EPHA1: variants seen among roughly 807,000 people sequenced by gnomAD.
The protein encoded by EPHA1 is ephrin type-A receptor 1.
In EPHA1, 92 loss-of-function variants were observed where a neutral mutation model predicts 110.1. The observed-to-expected ratio is 0.84, with a 90% CI of 0.71 to 0.99. The LOEUF (loss-of-function observed/expected upper bound fraction) is 0.99, where lower values mean the gene tolerates loss of function less well. Among genes scored for constraint, EPHA1 ranks in the 50% least tolerant of loss-of-function variants. EPHA1 has a pLI of 0.00. For missense variants in EPHA1, 1,204 were observed against 1,285.4 expected, an observed-to-expected ratio of 0.94 and a Z score of 0.97; for synonymous variants, 500 against 516.1, an observed-to-expected ratio of 0.97 and a Z score of 0.42.
Position 143,394,714 on chromosome 7 carries a change from C to T in EPHA1, c.2352+94G>A, listed in dbSNP as rs1020624191. The T allele has an allele frequency of 3.7e-4, 543 of 1,471,152 alleles. 2 individuals are homozygous for T. The highest frequency in any genetic ancestry group is 1.5e-4 in the Non-Finnish European group (158 of 1,079,166). The allele number at this position is 1,471,152 out of a possible 1,614,324, so 91.1% of individuals were successfully genotyped here. On this transcript the variant is annotated intron_variant, in intron 14 of 17. Coordinates refer to ENST00000275815, the MANE Select transcript of EPHA1 (RefSeq NM_005232.5). ...GGATTACAGGTGTGAGCCACCGTGC[C>T]TGGCCAAGTCTTTGTGCCTATATAC...
At chr7:143,408,219 C>T (rs1369536502) in intron 1 of EPHA1, among the ~76,000 whole-genome samples, 1 of 152,090 alleles carries the variant, frequency 6.6e-6, no homozygotes, top group Non-Finnish European at 1.5e-5. Flanking sequence ...GGAGTAAGGC[C>T]GGAGAGGGTG....
rs1171476627 is a variant in EPHA1 at position 143,393,100 on chromosome 7, C to T, written c.2696+571G>A. 6.6e-6 allele frequency among the ~76,000 whole-genome samples: 1 copy of T among 152,150 alleles called. No individual in the cohort carries two copies. Among genetic ancestry groups the T allele is most frequent in the East Asian group, 1.9e-4 (1 of 5,186 alleles). Reference sequence around the variant, plus strand: ...TCCTGCACTATCTGCAACCTACCAGCCCTCAGCTCCCCACAGACTAGCCAT... The same window carrying T: ...TCCTGCACTATCTGCAACCTACCAGTCCTCAGCTCCCCACAGACTAGCCAT... On this transcript the variant is annotated intron_variant, in intron 16 of 17. Coordinates refer to ENST00000275815, the MANE Select transcript of EPHA1 (RefSeq NM_005232.5). This position sits in a 1 kb window ranked among gnomAD's most constrained non-coding sequence, Gnocchi z 5.6.
At chr7:143,396,598 CTT>C in intron 10 of EPHA1, 88 bp from the exon 11 acceptor site, 1 of 1,488,914 alleles carries the variant, frequency 6.7e-7, no homozygotes, top group Non-Finnish European at 9.2e-7. Flanking sequence ...GGACCACACA[CTT>C]CTCCACACCT....
chr7:143,407,567 G>A (rs546782120), intron 2 of EPHA1, 44 bp downstream of exon 2: 2 of 1,590,004 alleles, frequency 1.3e-6, no homozygotes, highest in Admixed American at 1.7e-5. Context: ...TTTCCCACTG[G>A]CCTTCAGGAG....
At chr7:143,400,444 T>C (rs1805386929) in intron 3 of EPHA1, among the ~76,000 whole-genome samples, 1 of 152,224 alleles carries the variant, frequency 6.6e-6, no homozygotes, top group South Asian at 2.1e-4. Context: ...AGCATATCGT[T>C]ATCAATTTAT....
chr7:143,393,988 G>T lies in EPHA1; in HGVS notation c.2503-124C>A. On this transcript the variant is annotated intron_variant, in intron 15 of 17. Transcript: ENST00000275815. The surrounding 1 kb of genome is among the most constrained non-coding windows in gnomAD (Gnocchi z 5.6). ...GGATGGGAGGAGGTGGGAGGACCAG[G>T]GTGGGACGATCACAGTGGGAGGATC... is the stretch of plus-strand genomic sequence containing the variant. 7.7e-7 allele frequency: 1 copy of T among 1,294,752 alleles called. No homozygotes were observed. Among genetic ancestry groups the T allele is most frequent in the Non-Finnish European group, 1.1e-6 (1 of 949,278 alleles). The allele number at this position is 1,294,752 out of a possible 1,614,324, so 80.2% of individuals were successfully genotyped here.
rs1008740771 is a variant in EPHA1 at position 143,395,543 on chromosome 7, C to T, written c.1898-39G>A. ...AAACAGGCTGTGGCCCGATGCACTGCAGGGCTCCTCCAGGGGACAGGCAGC... is the reference window on the plus strand; with the variant it reads ...AAACAGGCTGTGGCCCGATGCACTGTAGGGCTCCTCCAGGGGACAGGCAGC... On this transcript the variant is annotated intron_variant, in intron 11 of 17. Coordinates refer to ENST00000275815, the MANE Select transcript of EPHA1 (RefSeq NM_005232.5). The surrounding 1 kb of genome is among the most constrained non-coding windows in gnomAD (Gnocchi z 4.7). 8.7e-6 allele frequency: 14 copies of T among 1,600,446 alleles called. No homozygotes were observed. In the African/African-American group the frequency reaches 1.2e-4, roughly 14 times the overall value.
Position 143,395,106 on chromosome 7 carries a change from C to A in EPHA1, c.2145+15G>T, listed in dbSNP as rs1387197278. 1 of 1,613,950 alleles carries A rather than the reference C, an allele frequency of 6.2e-7. No individual in the cohort carries two copies. Among genetic ancestry groups the A allele is most frequent in the African/African-American group, 1.3e-5 (1 of 74,896 alleles). ...GGTGCATCCCCCTCCCCAGCTAGTC[C>A]TCTGCCCTCCTCACCCTCAGGAAGG... On this transcript the variant is annotated intron_variant, in intron 13 of 17. Coordinates refer to ENST00000275815, the MANE Select transcript of EPHA1 (RefSeq NM_005232.5). The surrounding 1 kb of genome is among the most constrained non-coding windows in gnomAD (Gnocchi z 4.7).
At position 143,393,830 on chromosome 7, in the gene EPHA1, G is replaced by A. The variant is rs1213536991; in HGVS notation, c.2537C>T (p.Pro846Leu). ...AGGGGCAGGGCAGTCCACAGGAGGG[G>A]GCAACCGGTACCCATCCTCAATGCT... ...MKSIEDGYRL[P>L]PPVDCPAPLY... is the part of the protein sequence containing the mutation. Residue 846 changes from proline (P) to leucine (L), a missense_variant, in exon 16 of 18, where the codon CCC (proline) becomes CTC (leucine). Coordinates refer to ENST00000275815, the MANE Select transcript of EPHA1 (RefSeq NM_005232.5). This position sits in a 1 kb window ranked among gnomAD's most constrained non-coding sequence, Gnocchi z 5.6. 1 of 1,588,024 alleles carries A rather than the reference G, an allele frequency of 6.3e-7. No homozygotes were observed. The highest frequency in any genetic ancestry group is 1.3e-5 in the African/African-American group (1 of 74,364).
In EPHA1 at chr7:143,396,467, G is replaced by A. The variant is rs766312052; in HGVS notation, c.1815C>T (p.Tyr605=). The A allele has an allele frequency of 2.2e-5, 36 of 1,613,886 alleles. 1 individual carries two copies. The highest frequency in any genetic ancestry group is 2.0e-4 in the East Asian group (9 of 44,884). The change falls in exon 11 of 18, where the codon TAC becomes TAT. Residue 605 remains tyrosine, a synonymous_variant. Coordinates refer to ENST00000275815, the MANE Select transcript of EPHA1 (RefSeq NM_005232.5). ...CCAGGGCTCCCTGTGCAGGGTCCTC[G>A]TATGCCTGGAGGTCCACATAAGGCT... ...WLKPYVDLQA[Y]EDPAQGALDF... is the part of the protein sequence containing the mutation.
Position 143,398,367 on chromosome 7 carries a change from C to A in EPHA1, c.1418G>T (p.Arg473Leu), listed in dbSNP as rs147852131. Residue 473 changes from arginine (R) to leucine (L), a missense_variant, in exon 7 of 18, where the codon CGA becomes CTA. By Grantham distance (102) the Arg-to-Leu change is moderately radical. Transcript: ENST00000275815. ...LELTWAGSRPRSPGANLTYEL... is the reference protein window; with the variant it reads ...LELTWAGSRPLSPGANLTYEL... Reference sequence around the variant, plus strand: ...ATAGGTCAGGTTCGCCCCAGGGCTTCGGGGCCGGGACCCCGCCCAGGTCAG... The same window carrying A: ...ATAGGTCAGGTTCGCCCCAGGGCTTAGGGGCCGGGACCCCGCCCAGGTCAG... 1.2e-6 allele frequency: 2 copies of A among 1,614,112 alleles called. No homozygotes were observed. Among genetic ancestry groups the A allele is most frequent in the Non-Finnish European group, 1.7e-6 (2 of 1,180,000 alleles).
chr7:143,392,718 C>T (rs1008674883), intron 16 of EPHA1, among the ~76,000 whole-genome samples: 9 of 152,142 alleles, frequency 5.9e-5, no homozygotes, highest in Admixed American at 3.9e-4. Context: ...CCGAGGTGGG[C>T]GGATCATGAG....
At chr7:143,407,351 C>A (rs1805579845) in intron 2 of EPHA1, among the ~76,000 whole-genome samples, 1 of 152,260 alleles carries the variant, frequency 6.6e-6, no homozygotes. Context: ...CTCCCCCTCA[C>A]AAGTATCAGC....
rs1318861757 is a variant in EPHA1, at chr7:143,395,347, A to G, written c.2055T>C (p.Ile685=). 1 of 1,614,224 alleles carries G rather than the reference A, an allele frequency of 6.2e-7. No individual in the cohort carries two copies. The highest frequency in any genetic ancestry group is 8.5e-7 in the Non-Finnish European group (1 of 1,180,044). ...TTGTGACGACGCCTTCCAGATGCAG[A>G]ATATGCGGGTGGCTAAACTGGCCCA... is the stretch of plus-strand genomic sequence containing the variant. ...TIMGQFSHPH[I]LHLEGVVTKR... Residue 685 remains isoleucine, a synonymous_variant, in exon 12 of 18, where the codon ATT becomes ATC. Coordinates refer to ENST00000275815, the MANE Select transcript of EPHA1 (RefSeq NM_005232.5). The surrounding 1 kb of genome is among the most constrained non-coding windows in gnomAD (Gnocchi z 4.7).
At chr7:143,405,088 A>AG (rs1452113418) in intron 2 of EPHA1, among the ~76,000 whole-genome samples, 1 of 152,120 alleles carries the variant, frequency 6.6e-6, no homozygotes, top group Non-Finnish European at 1.5e-5. Flanking sequence ...AGATTGGGCA[A>AG]GGGGTGTCTA....
chr7:143,406,889 TCA>T (rs1327805064), intron 2 of EPHA1, among the ~76,000 whole-genome samples: 1 of 152,200 alleles, frequency 6.6e-6, no homozygotes, highest in African/African-American at 2.4e-5. Context: ...ATATGCTCTC[TCA>T]GACCCACCTC....
chr7:143,396,552 C>A (rs1439127039), intron 10 of EPHA1, 42 bp from the exon 11 acceptor site: 1 of 1,606,544 alleles, frequency 6.2e-7, no homozygotes, highest in Admixed American at 1.7e-5. Context: ...AACATCAGGG[C>A]TCAGGAGTAT....
chr7:143,399,178 GA>G (rs1805345338), intron 5 of EPHA1, 79 bp downstream of exon 5: 1 of 1,544,010 alleles, frequency 6.5e-7, no homozygotes, highest in Non-Finnish European at 8.8e-7. Context: ...ACAAGCTCTG[GA>G]AAAATCCAAC....
chr7:143,395,011 G>T lies in EPHA1; in HGVS notation c.2149C>A (p.Arg717=). The change falls in exon 14 of 18, where the codon CGG becomes AGG. Residue 717 remains arginine (R), a synonymous_variant. Transcript: ENST00000275815. The surrounding 1 kb of genome is among the most constrained non-coding windows in gnomAD (Gnocchi z 4.7). ...NGALDAFLRE[R]EDQLVPGQLV... ...TGCCCAGGGACCAGCTGGTCCTCCC[G>T]CTCCTGCAGCAGGGTGAGTGGGTGA... The T allele has an allele frequency of 1.2e-6, 2 of 1,613,982 alleles. No homozygotes were observed. The highest frequency in any genetic ancestry group is 1.7e-5 in the Admixed American group (1 of 60,004).
Sources: allele counts gnomAD v4.1 joint callset (sites outside exome capture counted in the v4.1 genomes callset), GRCh38; gene constraint gnomAD v4.1.1; non-coding constraint Gnocchi (gnomAD v3.1); transcripts MANE v1.5; gene names NCBI Gene and HGNC (gene_info 2026-07-23, HGNC 2026-07-21).